Variants in MYO1B observed in about 807,000 individuals in gnomAD.
The protein encoded by MYO1B is myosin IB, also known as unconventional myosin-Ib.
In MYO1B, 72 loss-of-function variants were observed where a neutral mutation model predicts 159.7. The observed-to-expected ratio is 0.45, with a 90% CI of 0.37 to 0.55. The LOEUF (loss-of-function observed/expected upper bound fraction) is 0.55, where lower values mean the gene tolerates loss of function less well. MYO1B is among the 20% of genes least tolerant of loss of function. MYO1B has a pLI of 0.00. For synonymous variants in MYO1B, 468 were observed against 473.8 expected, an observed-to-expected ratio of 0.99 and a Z score of 0.16; for missense variants, 1,062 against 1,364.8, an observed-to-expected ratio of 0.78 and a Z score of 3.50.
At chr2:191,397,616 T>G (rs1229396704) in intron 21 of MYO1B, among the ~76,000 whole-genome samples, 33 of 148,592 alleles carry the variant, frequency 2.2e-4, no homozygotes, top group African/African-American at 8.2e-4. Flanking sequence ...CCGGCAACCA[T>G]CCGATTTCTC....
rs545872021 is a variant in MYO1B, at chr2:191,344,934, A to G, written c.452-1302A>G. Among the ~76,000 whole-genome samples, 15 of 152,234 alleles carry G rather than the reference A, an allele frequency of 9.9e-5. No individual in the cohort carries two copies. The South Asian group carries it at 3.1e-3, about 32-fold the overall frequency. On this transcript the variant is annotated intron_variant, in intron 5 of 30. Transcript: ENST00000392318. ...CTGAATTACCGGAGTTAACATAGGT[A>G]AGCACACACCCTCTCTCCTTGATCA...
At chr2:191,400,331 C>T (rs775207731) in intron 21 of MYO1B, 51 bp from the exon 22 acceptor site, 3 of 1,583,314 alleles carry the variant, frequency 1.9e-6, no homozygotes, top group Middle Eastern at 1.7e-4. Context: ...AAGTCACTGT[C>T]AATTCCTTTA....
chr2:191,258,835 A>C (rs1338136807), intron 1 of MYO1B, among the ~76,000 whole-genome samples: 3 of 152,188 alleles, frequency 2.0e-5, no homozygotes, highest in African/African-American at 7.2e-5. Flanking sequence ...AATACTTAGC[A>C]CTGGTTGCCA....
At chr2:191,348,107 T>A (rs1692684542) in intron 6 of MYO1B, among the ~76,000 whole-genome samples, 2 of 152,198 alleles carry the variant, frequency 1.3e-5, no homozygotes, top group Admixed American at 1.3e-4. Flanking sequence ...AGAACCCAGC[T>A]TTTGGCGAGT....
chr2:191,312,925 C>T (rs1414143166), intron 3 of MYO1B, among the ~76,000 whole-genome samples: 1 of 152,100 alleles, frequency 6.6e-6, no homozygotes, highest in African/African-American at 2.4e-5. Flanking sequence ...GACAAAATTC[C>T]CACCTATTGG....
intron 3 of MYO1B, among the ~76,000 whole-genome samples, chr2:191,308,432 C>G (rs1689785229): frequency 6.6e-6 from 1 of 152,090 alleles, no homozygotes; most frequent in Non-Finnish European, 1.5e-5. Context: ...AGTAGGCCAC[C>G]TTTTTCCAAG....
chr2:191,359,460 C>T (rs1375222504), intron 7 of MYO1B, among the ~76,000 whole-genome samples: 1 of 152,068 alleles, frequency 6.6e-6, no homozygotes, highest in Non-Finnish European at 1.5e-5. Context: ...TTTGTACTTA[C>T]ATATTTTTGT....
At chr2:191,369,369 A>T (rs1490200919) in intron 11 of MYO1B, among the ~76,000 whole-genome samples, 173 bp from the exon 12 acceptor site, 7 of 152,252 alleles carry the variant, frequency 4.6e-5, no homozygotes, top group Non-Finnish European at 7.3e-5. Context: ...GTGTATAAAC[A>T]ATTTGCCTAA....
At chr2:191,351,823 T>A (rs1380062449) in intron 7 of MYO1B, among the ~76,000 whole-genome samples, 1 of 152,188 alleles carries the variant, frequency 6.6e-6, no homozygotes. Flanking sequence ...AGCTGGAGGT[T>A]ACAGTGAGCC....
chr2:191,353,269 T>A (rs1693038232), intron 7 of MYO1B, among the ~76,000 whole-genome samples: 1 of 152,206 alleles, frequency 6.6e-6, no homozygotes, highest in South Asian at 2.1e-4. Context: ...GGTTTGTTGG[T>A]CTGATAACAT....
At chr2:191,337,881 G>A (rs568609170) in intron 4 of MYO1B, among the ~76,000 whole-genome samples, 2 of 152,120 alleles carry the variant, frequency 1.3e-5, no homozygotes, top group East Asian at 1.9e-4. Flanking sequence ...ATTATGTAAA[G>A]GTTTGATTTG....
intron 13 of MYO1B, among the ~76,000 whole-genome samples, chr2:191,380,213 C>G (rs1187432611): frequency 6.6e-6 from 1 of 152,214 alleles, no homozygotes; most frequent in Non-Finnish European, 1.5e-5. Context: ...GCATAAGTAT[C>G]ATTTTTAAGT....
intron 4 of MYO1B, among the ~76,000 whole-genome samples, chr2:191,334,808 C>T (rs1366307316): frequency 1.3e-5 from 2 of 152,078 alleles, no homozygotes; most frequent in Non-Finnish European, 2.9e-5. Context: ...AGCACCAGTT[C>T]CAAATCTCAT....
chr2:191,411,205 G>T, intron 27 of MYO1B, 33 bp downstream of exon 27: 1 of 1,407,406 alleles, frequency 7.1e-7, no homozygotes, highest in Non-Finnish European at 9.8e-7. Flanking sequence ...ATAAAATTCA[G>T]GATTATAAAA....
intron 13 of MYO1B, chr2:191,381,095 C>T (rs1695015449): frequency 3.0e-6 from 1 of 333,890 alleles, no homozygotes; most frequent in African/African-American, 2.1e-5. Flanking sequence ...GAAGTTTCAC[C>T]TGAGAATGGG....
At chr2:191,341,374 G>C in intron 4 of MYO1B, 87 bp from the exon 5 acceptor site, 1 of 1,005,974 alleles carries the variant, frequency 9.9e-7, no homozygotes, top group South Asian at 1.5e-5. Context: ...AATGCCGTTA[G>C]TGGGTCTTCT....
intron 17 of MYO1B, among the ~76,000 whole-genome samples, chr2:191,389,820 T>C (rs114643482): frequency 0.012 from 1,758 of 152,358 alleles, 33 homozygotes; most frequent in African/African-American, 0.04. Context: ...TACAGATGTA[T>C]GTACTTGTGT....
At chr2:191,375,282 A>G (rs1441562486) in intron 13 of MYO1B, among the ~76,000 whole-genome samples, 1 of 152,206 alleles carries the variant, frequency 6.6e-6, no homozygotes, top group Non-Finnish European at 1.5e-5. Flanking sequence ...TGGTAGGTAC[A>G]CCTCATGATC....
At position 191,387,384 on chromosome 2, in the gene MYO1B, C is replaced by T; in HGVS notation, c.1715C>T (p.Ser572Leu). The part of the protein sequence containing the change: ...INLKRPPTAG[S>L]QFKASVATLM... ...CTGAAAAGGCCTCCTACAGCAGGCT[C>T]ACAGTTCAAGGCATCCGTGGCCACT... is the stretch of plus-strand genomic sequence containing the variant. The change falls in exon 17 of 31, where the codon TCA becomes TTA. Residue 572 changes from serine to leucine, a missense_variant. This residue lies in a region of MYO1B where 609 missense variants were observed against 744.4 expected (regional missense o/e 0.82). Coordinates refer to ENST00000392318, the MANE Select transcript of MYO1B (RefSeq NM_001130158.3). 1.2e-6 allele frequency: 2 copies of T among 1,614,164 alleles called. No homozygotes were observed. The highest frequency in any genetic ancestry group is 1.1e-5 in the South Asian group (1 of 91,084).
Sources: gnomAD v4.1 joint callset for allele counts (sites outside exome capture counted in the v4.1 genomes callset) on GRCh38, gnomAD v4.1.1 for gene constraint, gnomAD v4.1.1 regional missense constraint, MANE v1.5 for transcripts, NCBI Gene and HGNC (gene_info 2026-07-23, HGNC 2026-07-21) for gene names.